GLI4: variants seen among roughly 807,000 people sequenced by gnomAD.
The protein encoded by GLI4 is GLI family zinc finger 4.
Under a neutral mutation model 30.9 loss-of-function variants are expected in GLI4, and 34 were observed. That is an observed-to-expected ratio of 1.10 (90% CI 0.84 to 1.47). The LOEUF (loss-of-function observed/expected upper bound fraction) is 1.47, where lower values mean the gene tolerates loss of function less well. GLI4 is among the 40% of genes most tolerant of loss of function. The pLI is 0.00. For synonymous variants in GLI4, 277 were observed against 236.7 expected, an observed-to-expected ratio of 1.17 and a Z score of -1.56; for missense variants, 696 against 538.9, an observed-to-expected ratio of 1.29 and a Z score of -2.89.
At chr8:143,271,625 C>T (rs1273311983) in intron 2 of GLI4, among the ~76,000 whole-genome samples, 4 of 152,140 alleles carry the variant, frequency 2.6e-5, no homozygotes, top group Non-Finnish European at 5.9e-5. Context: ...TGGGCCAGAC[C>T]GAGGTTCCTG....
Position 143,276,310 on chromosome 8 carries a change from T to C in GLI4, c.637T>C (p.Cys213Arg). 6.2e-7 allele frequency: 1 copy of C among 1,611,868 alleles called. No individual in the cohort carries two copies. The highest frequency in any genetic ancestry group is 8.5e-7 in the Non-Finnish European group (1 of 1,179,518). Reference protein sequence around the residue: ...RIHTGEKPYACHECGKRFRGW... With the variant: ...RIHTGEKPYARHECGKRFRGW... ...CCACACGGGCGAGAAGCCCTACGCCTGCCACGAGTGCGGCAAGCGCTTCCG... is the reference window on the plus strand; with the variant it reads ...CCACACGGGCGAGAAGCCCTACGCCCGCCACGAGTGCGGCAAGCGCTTCCG... Residue 213 changes from cysteine to arginine, a missense_variant, in exon 4 of 4, where the codon TGC (cysteine) becomes CGC (arginine). Transcript: ENST00000340042.
At chr8:143,275,667 A>G (rs1014887109) in intron 3 of GLI4, 1 of 1,241,754 alleles carries the variant, frequency 8.1e-7, no homozygotes, top group Non-Finnish European at 1.0e-6. Context: ...GGATGGTCCC[A>G]GCAGCTCTGG....
At chr8:143,271,568 CAG>C (rs1316872577) in intron 2 of GLI4, among the ~76,000 whole-genome samples, 3 of 152,200 alleles carry the variant, frequency 2.0e-5, no homozygotes, top group African/African-American at 7.2e-5. Context: ...GGGATCAAGA[CAG>C]GACTTGGAGC....
At position 143,276,903 on chromosome 8, in the gene GLI4, C is replaced by T. The variant is rs922690175; in HGVS notation, c.*99C>T. On this transcript the variant is annotated 3_prime_UTR_variant, in exon 4 of 4. Coordinates refer to ENST00000340042, the MANE Select transcript of GLI4 (RefSeq NM_138465.4). Reference sequence around the variant, plus strand: ...CTGCCCAGCACCGCATGCCACGTGTCCGGAATAAATTCTTTTTGATTGTTG... The same window carrying T: ...CTGCCCAGCACCGCATGCCACGTGTTCGGAATAAATTCTTTTTGATTGTTG... The T allele has an allele frequency of 2.4e-5, 18 of 762,780 alleles. No homozygotes were observed. The highest frequency in any genetic ancestry group is 3.1e-5 in the Non-Finnish European group (15 of 484,550). The allele number at this position is 762,780 out of a possible 1,614,324, so 47.3% of individuals were successfully genotyped here.
chr8:143,269,278 G>C, intron 1 of GLI4, 82 bp from the exon 2 acceptor site: 6 of 997,874 alleles, frequency 6.0e-6, no homozygotes, highest in South Asian at 5.9e-5. Flanking sequence ...CCCTTGGAGA[G>C]CTGGCATGTT....
At position 143,276,867 on chromosome 8, in the gene GLI4, C is replaced by A; in HGVS notation, c.*63C>A. ...CCAACCCACCCTCCACCCCGTCCCCCACGGTGGGCACTGCCCAGCACCGCA... is the reference window on the plus strand; with the variant it reads ...CCAACCCACCCTCCACCCCGTCCCCAACGGTGGGCACTGCCCAGCACCGCA... On this transcript the variant is annotated 3_prime_UTR_variant, in exon 4 of 4. Transcript: ENST00000340042. 2 of 1,030,690 alleles carry A rather than the reference C, an allele frequency of 1.9e-6. No individual in the cohort carries two copies. Among genetic ancestry groups the A allele is most frequent in the South Asian group, 1.6e-5 (1 of 62,080 alleles). The allele number at this position is 1,030,690 out of a possible 1,614,324, so 63.8% of individuals were successfully genotyped here.
At chr8:143,271,582 G>A (rs555422268) in intron 2 of GLI4, among the ~76,000 whole-genome samples, 96 of 152,298 alleles carry the variant, frequency 6.3e-4, no homozygotes, top group African/African-American at 2.1e-3. Flanking sequence ...ACTTGGAGCC[G>A]CAGCCTCCCA....
intron 2 of GLI4, among the ~76,000 whole-genome samples, chr8:143,274,123 AGATGGGCCCAGCCCATTCCTCAGGCTCT>A (rs1438671051): frequency 6.6e-6 from 1 of 152,062 alleles, no homozygotes; most frequent in Non-Finnish European, 1.5e-5. Flanking sequence ...AGGGGCTCAT[AGATGGGCCCAGCCCATTCCTCAGGCTCT>A]GCCTGAGGAA....
intron 1 of GLI4, among the ~76,000 whole-genome samples, chr8:143,268,862 T>TGC (rs1197474863): frequency 6.3e-4 from 8 of 12,630 alleles, no homozygotes; most frequent in African/African-American, 1.2e-3. Flanking sequence ...GCTGCTGCTG[T>TGC]TGTTTGAGTC....
At chr8:143,269,961 C>T (rs1054349390) in intron 2 of GLI4, among the ~76,000 whole-genome samples, 3 of 152,232 alleles carry the variant, frequency 2.0e-5, no homozygotes, top group African/African-American at 7.2e-5. Context: ...CCTTGCTCCA[C>T]CCCTGATGTT....
rs1437361533 is a variant in GLI4 at position 143,275,933 on chromosome 8, C to T, written c.260C>T (p.Pro87Leu). ...AAGCCGGAGCAGGCTCCACGCTCTC[C>T]TGGCTCTCAGGCCCCTGACGAGGGG... The part of the protein sequence containing the change: ...EPKPEQAPRS[P>L]GSQAPDEGAG... The change falls in exon 4 of 4, where the codon CCT becomes CTT. Residue 87 changes from proline (P) to leucine (L), a missense_variant. Physicochemically the swap from Pro to Leu is moderately conservative, Grantham distance 98. Transcript: ENST00000340042. 2.6e-5 allele frequency: 35 copies of T among 1,328,462 alleles called. No homozygotes were observed. The highest frequency in any genetic ancestry group is 3.4e-5 in the Non-Finnish European group (35 of 1,039,122). 82.3% of individuals were successfully genotyped at this position (1,328,462 alleles called of 1,614,324 possible). A position where few individuals can be genotyped will look rare whatever the true frequency, so the allele number is the denominator to read the frequency against.
intron 1 of GLI4, chr8:143,267,870 C>G: frequency 1.0e-6 from 1 of 985,446 alleles, no homozygotes; most frequent in Non-Finnish European, 1.2e-6. Flanking sequence ...CGCTCTGTGC[C>G]GAGCTCCCGG....
intron 3 of GLI4, 109 bp downstream of exon 3, chr8:143,274,911 G>A (rs1815351188): frequency 2.0e-6 from 3 of 1,481,566 alleles, no homozygotes; most frequent in Non-Finnish European, 2.7e-6. Flanking sequence ...CCCCTTCCTG[G>A]GGCCCCTTTT....
At position 143,276,090 on chromosome 8, in the gene GLI4, G is replaced by A. The variant is rs1815378798; in HGVS notation, c.417G>A (p.Pro139=). ...QPPGAVPCAQ[P]RGAWRVTLVQ... is the part of the protein sequence containing the mutation. ...CTGGGGCCGTCCCTTGCGCCCAGCC[G>A]CGGGGCGCCTGGCGCGTGACGCTCG... Residue 139 remains proline (P), a synonymous_variant, in exon 4 of 4, where the codon CCG becomes CCA. Transcript: ENST00000340042. 1.4e-6 allele frequency: 2 copies of A among 1,412,518 alleles called. No homozygotes were observed. The highest frequency in any genetic ancestry group is 3.2e-5 in the South Asian group (2 of 62,972). The allele number at this position is 1,412,518 out of a possible 1,614,324, so 87.5% of individuals were successfully genotyped here.
intron 2 of GLI4, among the ~76,000 whole-genome samples, chr8:143,271,910 T>C (rs1359350136): frequency 6.6e-6 from 1 of 152,212 alleles, no homozygotes; most frequent in Non-Finnish European, 1.5e-5. Flanking sequence ...CAGGCCACAG[T>C]TCCTCATCTC....
In GLI4 at chr8:143,276,137, C is replaced by T. The variant is rs1815381475; in HGVS notation, c.464C>T (p.Pro155Leu). Reference sequence around the variant, plus strand: ...CTCGTGCAGCAAGCAGCGGCCGGGCCCGAGGGTGCGCCCGAGCGGGCTGCC... The same window carrying T: ...CTCGTGCAGCAAGCAGCGGCCGGGCTCGAGGGTGCGCCCGAGCGGGCTGCC... ...VTLVQQAAAG[P>L]EGAPERAAEL... The change falls in exon 4 of 4, where the codon CCC becomes CTC. Residue 155 changes from proline to leucine, a missense_variant. Transcript: ENST00000340042. 1.3e-6 allele frequency: 2 copies of T among 1,542,438 alleles called. No homozygotes were observed. Among genetic ancestry groups the T allele is most frequent in the Non-Finnish European group, 1.7e-6 (2 of 1,144,288 alleles).
rs762529814 is a variant in GLI4 at position 143,276,444 on chromosome 8, C to T, written c.771C>T (p.His257=). Residue 257 remains histidine, a synonymous_variant, in exon 4 of 4, where the codon CAC becomes CAT. Coordinates refer to ENST00000340042, the MANE Select transcript of GLI4 (RefSeq NM_138465.4). ...AFSHSSHFTQ[H]LRIHNGEKPY... is the part of the protein sequence containing the mutation. The stretch of plus-strand genomic sequence containing the variant: ...GCCACAGCTCGCACTTCACGCAGCA[C>T]CTGCGCATCCACAACGGCGAGAAGC... 6.2e-7 allele frequency: 1 copy of T among 1,612,824 alleles called. No individual in the cohort carries two copies. The highest frequency in any genetic ancestry group is 8.5e-7 in the Non-Finnish European group (1 of 1,179,792).
chr8:143,275,308 G>A (rs1815359494), intron 3 of GLI4: 2 of 1,464,016 alleles, frequency 1.4e-6, no homozygotes, highest in Non-Finnish European at 1.8e-6. Flanking sequence ...ATTTAACAGT[G>A]CTGAGCCCTC....
chr8:143,276,866 C>T lies in GLI4; in HGVS notation c.*62C>T. 9.4e-7 allele frequency: 1 copy of T among 1,069,022 alleles called. No individual in the cohort carries two copies. Among genetic ancestry groups the T allele is most frequent in the South Asian group, 1.6e-5 (1 of 62,924 alleles). 66.2% of individuals were successfully genotyped at this position (1,069,022 alleles called of 1,614,324 possible). The stretch of plus-strand genomic sequence containing the variant: ...CCCAACCCACCCTCCACCCCGTCCC[C>T]CACGGTGGGCACTGCCCAGCACCGC... On this transcript the variant is annotated 3_prime_UTR_variant, in exon 4 of 4. Transcript: ENST00000340042.
Sources: allele counts gnomAD v4.1 joint callset (sites outside exome capture counted in the v4.1 genomes callset), GRCh38; gene constraint gnomAD v4.1.1; transcripts MANE v1.5; gene names NCBI Gene and HGNC (gene_info 2026-07-23, HGNC 2026-07-21).